RERG: variants seen among roughly 807,000 people sequenced by gnomAD.
RERG encodes the protein RAS like estrogen regulated growth inhibitor.
Under a neutral mutation model 23.2 loss-of-function variants are expected in RERG, and 25 were observed. The observed-to-expected ratio is 1.08, with a 90% confidence interval of 0.79 to 1.50. The LOEUF is 1.50. Ranked by LOEUF, RERG falls within the 40% of genes most tolerant of loss-of-function variation. The pLI, the probability that RERG is intolerant of heterozygous loss-of-function variation, is 0.00. For synonymous variants in RERG, 81 were observed against 89.1 expected (o/e 0.91, Z 0.51); for missense variants, 253 against 250.1 (o/e 1.01, Z -0.08).
At chr12:15,120,221 C>A (rs2136087802) in intron 3 of RERG, among the ~76,000 whole-genome samples, 1 of 152,022 alleles carries the variant, frequency 6.6e-6, no homozygotes, top group Admixed American at 6.6e-5. Context: ...TTCTCTATTC[C>A]CTTCCTTATT....
intron 2 of RERG, among the ~76,000 whole-genome samples, chr12:15,182,301 G>A (rs1429811844): frequency 1.3e-5 from 2 of 151,930 alleles, no homozygotes; most frequent in Non-Finnish European, 2.9e-5. Flanking sequence ...TAGGTGATCC[G>A]CCTGTCTCAG....
chr12:15,109,497 C>T lies in RERG; in HGVS notation c.213G>A (p.Glu71=), dbSNP rs184360961. ...TAGQEDTIQR[E]GHMRWGEGFV... ...AGCCTTCCCCCCATCGCATGTGCCC[C>T]TCCCTCTGAATGGTATCTTCCTGTT... The change falls in exon 5 of 5, where the codon GAG becomes GAA. Residue 71 remains glutamate, a synonymous_variant. Coordinates refer to ENST00000256953, the MANE Select transcript of RERG (RefSeq NM_032918.3). The T allele has an allele frequency of 3.7e-6, 6 of 1,605,614 alleles. No homozygotes were observed. The Admixed American group carries it at 1.0e-4, about 27-fold the overall frequency.
chr12:15,179,486 C>T (rs1367060728), intron 2 of RERG, among the ~76,000 whole-genome samples: 2 of 152,190 alleles, frequency 1.3e-5, no homozygotes, highest in Non-Finnish European at 2.9e-5. Flanking sequence ...CAATCTCCCA[C>T]CCCACAGTGC....
chr12:15,140,165 G>T (rs1166272678), intron 2 of RERG, among the ~76,000 whole-genome samples: 2 of 152,088 alleles, frequency 1.3e-5, no homozygotes, highest in Admixed American at 1.3e-4. Context: ...TTAGGAGGTG[G>T]AGCCTTTCGG....
intron 2 of RERG, among the ~76,000 whole-genome samples, chr12:15,166,788 T>C (rs11056382): frequency 0.16 from 24,732 of 151,808 alleles, 2,239 homozygotes; most frequent in Middle Eastern, 0.24. Flanking sequence ...TTTTTTTTTT[T>C]CGATATTTAA....
intron 2 of RERG, among the ~76,000 whole-genome samples, chr12:15,128,091 TA>T (rs1863979968): frequency 6.6e-6 from 1 of 151,722 alleles, no homozygotes; most frequent in African/African-American, 2.4e-5. Flanking sequence ...GTATACGATA[TA>T]ATTCTACATG....
intron 3 of RERG, among the ~76,000 whole-genome samples, chr12:15,117,862 C>T (rs763611952): frequency 1.3e-5 from 2 of 152,068 alleles, no homozygotes; most frequent in Non-Finnish European, 1.5e-5. Context: ...ATAATTGCTG[C>T]CACCACCATC....
chr12:15,178,042 A>T (rs1864876409), intron 2 of RERG, among the ~76,000 whole-genome samples: 1 of 151,952 alleles, frequency 6.6e-6, no homozygotes, highest in Non-Finnish European at 1.5e-5. Context: ...ATAGATTGAA[A>T]CCCTTCCCTG....
At chr12:15,183,578 C>T (rs1160425906) in intron 2 of RERG, among the ~76,000 whole-genome samples, 2 of 151,996 alleles carry the variant, frequency 1.3e-5, no homozygotes, top group African/African-American at 4.8e-5. Context: ...TAACCCAGGA[C>T]GAATATTTTC....
intron 2 of RERG, among the ~76,000 whole-genome samples, chr12:15,196,720 A>G (rs922257312): frequency 6.6e-6 from 1 of 152,184 alleles, no homozygotes; most frequent in African/African-American, 2.4e-5. Flanking sequence ...TGGTGATTCT[A>G]CAATTACTGT....
intron 3 of RERG, among the ~76,000 whole-genome samples, chr12:15,119,058 ACT>A (rs10554093): frequency 0.66 from 100,861 of 151,732 alleles, 33,610 homozygotes; most frequent in Admixed American, 0.74. Flanking sequence ...TCTTGCACAC[ACT>A]CATATAGACA....
intron 2 of RERG, among the ~76,000 whole-genome samples, chr12:15,143,890 C>T (rs775500288): frequency 2.0e-5 from 3 of 152,026 alleles, no homozygotes; most frequent in Admixed American, 6.5e-5. Flanking sequence ...AAGCAGGTGA[C>T]GAAGTGAGCC....
intron 2 of RERG, among the ~76,000 whole-genome samples, chr12:15,141,067 T>C (rs1864229946): frequency 6.6e-6 from 1 of 152,094 alleles, no homozygotes; most frequent in African/African-American, 2.4e-5. Context: ...AGTTCTTAGA[T>C]ACCCAGTGTG....
At chr12:15,127,011 C>T (rs889988105) in intron 2 of RERG, among the ~76,000 whole-genome samples, 1 of 152,166 alleles carries the variant, frequency 6.6e-6, no homozygotes, top group African/African-American at 2.4e-5. Flanking sequence ...AGCCACCGCG[C>T]CCGGCCCAGA....
chr12:15,145,778 T>A (rs1864322022), intron 2 of RERG, among the ~76,000 whole-genome samples: 1 of 152,238 alleles, frequency 6.6e-6, no homozygotes, highest in African/African-American at 2.4e-5. Flanking sequence ...GAATTGGCCG[T>A]AAACCCACTA....
Position 15,108,939 on chromosome 12 carries a change from A to C in RERG, c.*171T>G. The C allele has an allele frequency of 5.0e-6, 3 of 604,344 alleles. No homozygotes were observed. In the South Asian group the frequency reaches 7.5e-5, roughly 15 times the overall value. The allele number at this position is 604,344 out of a possible 1,614,324, so 37.4% of individuals were successfully genotyped here. A position where few individuals can be genotyped will look rare whatever the true frequency, so the allele number is the denominator to read the frequency against. ...GAAAGGAAGAAATTGTTAGCACTGA[A>C]ATTGCATAAAACACGCTAAAACTTC... On this transcript the variant is annotated 3_prime_UTR_variant, in exon 5 of 5. Coordinates refer to ENST00000256953, the MANE Select transcript of RERG (RefSeq NM_032918.3).
intron 2 of RERG, among the ~76,000 whole-genome samples, chr12:15,210,727 A>G (rs1273082922): frequency 2.0e-5 from 3 of 152,220 alleles, no homozygotes; most frequent in East Asian, 1.9e-4. Flanking sequence ...CTGCAATTTG[A>G]AAACATGGTT....
At chr12:15,194,986 T>C (rs1439523692) in intron 2 of RERG, among the ~76,000 whole-genome samples, 1 of 152,154 alleles carries the variant, frequency 6.6e-6, no homozygotes, top group Non-Finnish European at 1.5e-5. Context: ...CCATTTGTTT[T>C]GTTTTCTAAA....
chr12:15,166,973 T>C (rs893501341), intron 2 of RERG, among the ~76,000 whole-genome samples: 56 of 152,228 alleles, frequency 3.7e-4, no homozygotes, highest in Non-Finnish European at 7.3e-4. Context: ...AGTTTTGCTA[T>C]ATGTTCATGT....
Sources: allele counts gnomAD v4.1 joint callset (sites outside exome capture counted in the v4.1 genomes callset), GRCh38; gene constraint gnomAD v4.1.1; transcripts MANE v1.5; gene names NCBI Gene and HGNC (gene_info 2026-07-23, HGNC 2026-07-21).